Variants in CCDC192 observed in about 807,000 individuals in gnomAD.
CCDC192 encodes coiled-coil domain-containing protein 192.
At chr5:127,902,976 T>G (rs1005567994) in intron 6 of CCDC192, among the ~76,000 whole-genome samples, 2 of 152,140 alleles carry the variant, frequency 1.3e-5, no homozygotes, top group African/African-American at 4.8e-5. Flanking sequence ...AAAAAGGGAA[T>G]GTATAGGCTT....
intron 3 of CCDC192, among the ~76,000 whole-genome samples, chr5:127,777,542 C>T (rs1032549176): frequency 6.6e-6 from 1 of 152,094 alleles, no homozygotes; most frequent in African/African-American, 2.4e-5. Flanking sequence ...GTTGGGAAGG[C>T]ACGATTGGTT....
chr5:127,900,026 C>A (rs1184873597), intron 6 of CCDC192, among the ~76,000 whole-genome samples: 1 of 152,074 alleles, frequency 6.6e-6, no homozygotes, highest in Non-Finnish European at 1.5e-5. Context: ...GATTTAACCA[C>A]CACTTATCGG....
intron 2 of CCDC192, among the ~76,000 whole-genome samples, chr5:127,713,234 CA>C (rs1405311583): frequency 9.6e-4 from 134 of 139,354 alleles, no homozygotes; most frequent in Admixed American, 1.6e-3. Flanking sequence ...AACTCTATCT[CA>C]AAAAAAAAAA....
chr5:127,816,402 G>A (rs560749799), intron 5 of CCDC192, among the ~76,000 whole-genome samples: 28 of 152,266 alleles, frequency 1.8e-4, no homozygotes, highest in Non-Finnish European at 3.4e-4. Flanking sequence ...GGGCTTCTAA[G>A]GTAGAGTCCT....
chr5:127,784,191 C>A (rs910570089), intron 3 of CCDC192, among the ~76,000 whole-genome samples: 31 of 152,124 alleles, frequency 2.0e-4, no homozygotes, highest in African/African-American at 6.8e-4. Context: ...TCTTTATTTT[C>A]ACACATTAAA....
chr5:127,805,316 A>G (rs2126987381), intron 5 of CCDC192, among the ~76,000 whole-genome samples: 1 of 152,298 alleles, frequency 6.6e-6, no homozygotes, highest in Middle Eastern at 3.4e-3. Flanking sequence ...AGAGTCAAAG[A>G]CACAAAAATC....
At chr5:127,852,368 G>T (rs1044452783) in intron 5 of CCDC192, among the ~76,000 whole-genome samples, 1 of 152,194 alleles carries the variant, frequency 6.6e-6, no homozygotes, top group Non-Finnish European at 1.5e-5. Flanking sequence ...TAGCCCTTAA[G>T]GGGAGTACCT....
chr5:127,879,652 C>T (rs1320342230), intron 6 of CCDC192, among the ~76,000 whole-genome samples: 1 of 58,114 alleles, frequency 1.7e-5, no homozygotes, highest in Non-Finnish European at 3.5e-5. Context: ...GAACAGGCAA[C>T]CTACAAAATG....
At chr5:127,888,119 T>A (rs1752623030) in intron 6 of CCDC192, among the ~76,000 whole-genome samples, 1 of 151,938 alleles carries the variant, frequency 6.6e-6, no homozygotes, top group Non-Finnish European at 1.5e-5. Context: ...TATTGTTAGA[T>A]CTAAAAGTCA....
intron 5 of CCDC192, among the ~76,000 whole-genome samples, chr5:127,802,925 A>T (rs1441507524): frequency 2.6e-5 from 4 of 152,232 alleles, no homozygotes; most frequent in Non-Finnish European, 4.4e-5. Context: ...ATCAGGCATT[A>T]ATTTAATGAG....
chr5:127,749,478 G>A (rs1753993762), intron 2 of CCDC192, among the ~76,000 whole-genome samples: 4 of 151,806 alleles, frequency 2.6e-5, no homozygotes, highest in Non-Finnish European at 5.9e-5. Flanking sequence ...TGATCATGGT[G>A]GATAAGCTTT....
intron 6 of CCDC192, among the ~76,000 whole-genome samples, chr5:127,940,077 AT>A (rs1361009445): frequency 6.6e-6 from 1 of 152,152 alleles, no homozygotes; most frequent in Non-Finnish European, 1.5e-5. Flanking sequence ...AAGGTGCTGC[AT>A]TTTTTGATGG....
intron 2 of CCDC192, among the ~76,000 whole-genome samples, chr5:127,748,007 G>A (rs1753884133): frequency 6.9e-6 from 1 of 145,746 alleles, no homozygotes; most frequent in Admixed American, 6.8e-5. Context: ...CTGGATATTA[G>A]CCCTTTGTCA....
At chr5:127,876,091 T>C (rs530589847) in intron 6 of CCDC192, among the ~76,000 whole-genome samples, 4 of 131,854 alleles carry the variant, frequency 3.0e-5, no homozygotes, top group Non-Finnish European at 3.2e-5. Context: ...TTTTTACCAA[T>C]AGGCAAATGA....
chr5:127,715,881 T>C (rs248729), intron 2 of CCDC192, among the ~76,000 whole-genome samples: 47,442 of 152,042 alleles, frequency 0.31, 8,258 homozygotes, highest in Middle Eastern at 0.41. Context: ...TTGAAGGCCC[T>C]GTATTTCTTT....
intron 5 of CCDC192, among the ~76,000 whole-genome samples, chr5:127,850,969 A>C (rs1304062816): frequency 2.0e-5 from 3 of 152,030 alleles, no homozygotes; most frequent in African/African-American, 7.3e-5. Flanking sequence ...CCATCTTGAA[A>C]AACAACAACA....
chr5:127,902,688 T>G (rs1753072130), intron 6 of CCDC192, among the ~76,000 whole-genome samples: 3 of 152,216 alleles, frequency 2.0e-5, no homozygotes, highest in Admixed American at 2.0e-4. Flanking sequence ...GATTGCTGCC[T>G]GCCATAGCTA....
Position 127,869,321 on chromosome 5 carries a change from T to C in CCDC192, c.412-6217T>C, listed in dbSNP as rs576699469. 1.3e-3 allele frequency among the ~76,000 whole-genome samples: 194 copies of C among 151,976 alleles called. 1 individual carries two copies. Among genetic ancestry groups the C allele is most frequent in the African/African-American group, 4.6e-3 (191 of 41,434 alleles). On this transcript the variant is annotated intron_variant, in intron 5 of 6. Coordinates refer to ENST00000514853, the MANE Select transcript of CCDC192 (RefSeq NM_001317938.2). ...CCTGGGCAATAAGAGCAAAACTCCATCTCAAAAAAATAAAATAAAATAAAA... is the reference window on the plus strand; with the variant it reads ...CCTGGGCAATAAGAGCAAAACTCCACCTCAAAAAAATAAAATAAAATAAAA...
chr5:127,855,715 A>T (rs1167293093), intron 5 of CCDC192, among the ~76,000 whole-genome samples: 1 of 152,236 alleles, frequency 6.6e-6, no homozygotes, highest in African/African-American at 2.4e-5. Context: ...CATGTACTGA[A>T]GAATGGATGT....
Sources: allele counts gnomAD v4.1 joint callset (sites outside exome capture counted in the v4.1 genomes callset), GRCh38; gene constraint gnomAD v4.1.1; transcripts MANE v1.5; gene names NCBI Gene and HGNC (gene_info 2026-07-23, HGNC 2026-07-21).